Variants in KLF12 observed in about 807,000 individuals in gnomAD.
The protein encoded by KLF12 is Krueppel-like factor 12.
In KLF12, 9 loss-of-function variants were observed where a neutral mutation model predicts 37.8. That is an observed-to-expected ratio of 0.24 (90% confidence interval 0.14 to 0.42). The LOEUF (loss-of-function observed/expected upper bound fraction) is 0.42, where lower values mean the gene tolerates loss of function less well. Among genes scored for constraint, KLF12 ranks in the 10% least tolerant of loss-of-function variants. The pLI, the probability that KLF12 is intolerant of heterozygous loss-of-function variation, is 1.00. For synonymous variants in KLF12, 208 were observed against 202.1 expected (o/e 1.03, Z -0.25); for missense variants, 411 against 516.0 (o/e 0.80, Z 1.97).
chr13:74,230,265 A>G, the KLF12 span, among the ~76,000 whole-genome samples: 1 of 152,116 alleles, frequency 6.6e-6, no homozygotes, highest in Non-Finnish European at 1.5e-5. Flanking sequence ...TCCTGCTGCC[A>G]CGTGAAGAAG....
At chr13:74,198,646 A>G in the KLF12 span, among the ~76,000 whole-genome samples, 1 of 152,194 alleles carries the variant, frequency 6.6e-6, no homozygotes, top group African/African-American at 2.4e-5. Flanking sequence ...TTTTGTTTCT[A>G]GTATTTTTTA....
intron 4 of KLF12, among the ~76,000 whole-genome samples, chr13:73,823,443 T>C (rs1183875431): frequency 6.6e-6 from 1 of 152,190 alleles, no homozygotes; most frequent in African/African-American, 2.4e-5. Context: ...TGCAGAACTA[T>C]TGTGCCACAT....
chr13:74,157,642 G>C, the KLF12 span, among the ~76,000 whole-genome samples: 1 of 152,102 alleles, frequency 6.6e-6, no homozygotes, highest in Non-Finnish European at 1.5e-5. Context: ...AGGCTTCCTG[G>C]GGATCCATTA....
At chr13:73,940,783 A>T (rs1359463951) in intron 3 of KLF12, among the ~76,000 whole-genome samples, 1 of 152,200 alleles carries the variant, frequency 6.6e-6, no homozygotes, top group African/African-American at 2.4e-5. Flanking sequence ...CACAGCATAA[A>T]TCTCATTAAG....
chr13:74,284,432 C>T, the KLF12 span, among the ~76,000 whole-genome samples: 1 of 152,262 alleles, frequency 6.6e-6, no homozygotes, highest in East Asian at 1.9e-4. Context: ...TCTCAAAGAA[C>T]AAATGTAAAA....
chr13:74,134,704 G>A (rs999799696), upstream of KLF12, among the ~76,000 whole-genome samples: 2 of 152,090 alleles, frequency 1.3e-5, no homozygotes, highest in Admixed American at 6.5e-5. Flanking sequence ...GGGACCCCTG[G>A]AGAGCAACTC....
chr13:74,126,449 T>C (rs2139006021), intron 1 of KLF12, among the ~76,000 whole-genome samples: 1 of 152,316 alleles, frequency 6.6e-6, no homozygotes, highest in South Asian at 2.1e-4. Flanking sequence ...TTGTGTTCTA[T>C]TTCATTTTTT....
chr13:74,285,336 T>C, the KLF12 span, among the ~76,000 whole-genome samples: 4 of 152,302 alleles, frequency 2.6e-5, no homozygotes, highest in South Asian at 8.3e-4. Context: ...AAAACAATAT[T>C]AGTTAAGCGA....
the KLF12 span, chr13:74,257,497 A>C: frequency 6.6e-6 from 1 of 152,188 alleles, no homozygotes; most frequent in Non-Finnish European, 1.5e-5. Flanking sequence ...TGTGAGCCAG[A>C]TGGAGCAGGA....
At position 74,127,797 on chromosome 13, in the gene KLF12, A is replaced by C. The variant is rs1878027216; in HGVS notation, c.-32+5942T>G. Among the ~76,000 whole-genome samples the C allele has an allele frequency of 3.9e-5, 6 of 152,236 alleles. No individual in the cohort carries two copies. The South Asian group carries it at 1.2e-3, about 31-fold the overall frequency. Reference sequence around the variant, plus strand: ...GTATAATGTTAGTTAAGAATAACATATAGCATGTTGCAACAATGTTTGAGT... The same window carrying C: ...GTATAATGTTAGTTAAGAATAACATCTAGCATGTTGCAACAATGTTTGAGT... On this transcript the variant is annotated intron_variant, in intron 1 of 7. Coordinates refer to ENST00000377669, the MANE Select transcript of KLF12 (RefSeq NM_007249.5).
chr13:73,721,006 G>A (rs1015514990), intron 6 of KLF12, among the ~76,000 whole-genome samples: 3 of 152,154 alleles, frequency 2.0e-5, no homozygotes, highest in South Asian at 2.1e-4. Flanking sequence ...ATTCACACAC[G>A]CAATCACAAC....
rs866307204 is a variant in KLF12, at chr13:73,810,988, T to C, written c.806+2164A>G. Among the ~76,000 whole-genome samples the C allele has an allele frequency of 2.6e-3, 318 of 123,734 alleles. 7 individuals are homozygous for C. The highest frequency in any genetic ancestry group is 9.4e-3 in the African/African-American group (286 of 30,572). 81.2% of individuals were successfully genotyped at this position (123,734 alleles called of 152,430 possible). A position where few individuals can be genotyped will look rare whatever the true frequency, so the allele number is the denominator to read the frequency against. Reference sequence around the variant, plus strand: ...ATTTTTTTAATTTTTCTTTCTTTTTTTTTTTTTTTTTTTTTTTTTAGGAGT... The same window carrying C: ...ATTTTTTTAATTTTTCTTTCTTTTTCTTTTTTTTTTTTTTTTTTTAGGAGT... On this transcript the variant is annotated intron_variant, in intron 5 of 7. Coordinates refer to ENST00000377669, the MANE Select transcript of KLF12 (RefSeq NM_007249.5).
At chr13:73,895,921 A>C (rs1887747619) in intron 3 of KLF12, among the ~76,000 whole-genome samples, 1 of 151,820 alleles carries the variant, frequency 6.6e-6, no homozygotes, top group Admixed American at 6.6e-5. Flanking sequence ...TCTGGATTCA[A>C]GTGATTCTCC....
At chr13:73,707,426 A>G (rs1031858408) in intron 7 of KLF12, among the ~76,000 whole-genome samples, 2 of 152,174 alleles carry the variant, frequency 1.3e-5, no homozygotes, top group African/African-American at 4.8e-5. Context: ...TATTTCTATT[A>G]TATTTTCTAA....
At chr13:73,898,334 C>A (rs1212767292) in intron 3 of KLF12, among the ~76,000 whole-genome samples, 1 of 152,172 alleles carries the variant, frequency 6.6e-6, no homozygotes, top group Non-Finnish European at 1.5e-5. Context: ...GGACAACATT[C>A]TCTCTCTCAT....
intron 2 of KLF12, among the ~76,000 whole-genome samples, chr13:73,971,927 C>T (rs1891355703): frequency 6.6e-6 from 1 of 152,094 alleles, no homozygotes; most frequent in Admixed American, 6.5e-5. Context: ...AAGGTAAGGG[C>T]TTTAAATAGT....
chr13:73,864,566 C>T (rs948872751), intron 3 of KLF12, among the ~76,000 whole-genome samples: 2 of 151,986 alleles, frequency 1.3e-5, no homozygotes, highest in African/African-American at 4.8e-5. Flanking sequence ...TGAAGGAAAG[C>T]GTTTATATCA....
the KLF12 span, among the ~76,000 whole-genome samples, chr13:74,265,447 C>T: frequency 6.6e-6 from 1 of 152,064 alleles, no homozygotes; most frequent in Non-Finnish European, 1.5e-5. Context: ...TGAAGCTCAC[C>T]AAAGGAAAAA....
the KLF12 span, among the ~76,000 whole-genome samples, chr13:74,256,718 G>GTGTGTGTGTC: frequency 3.4e-5 from 5 of 146,910 alleles, no homozygotes; most frequent in East Asian, 5.9e-4. Context: ...GTGTGTGTGT[G>GTGTGTGTGTC]TCTAAGATTT....
Sources: allele counts gnomAD v4.1 joint callset (sites outside exome capture counted in the v4.1 genomes callset), GRCh38; gene constraint gnomAD v4.1.1; transcripts MANE v1.5; gene names NCBI Gene and HGNC (gene_info 2026-07-23, HGNC 2026-07-21).